WWOX: variants seen among roughly 807,000 people sequenced by gnomAD.
WWOX encodes the protein WW domain containing oxidoreductase.
In WWOX, 69 loss-of-function variants were observed where a neutral mutation model predicts 46.2. That is an observed-to-expected ratio of 1.49 (90% CI 1.23 to 1.82). The LOEUF (loss-of-function observed/expected upper bound fraction) is 1.82, where lower values mean the gene tolerates loss of function less well. Ranked by LOEUF, WWOX falls within the 40% of genes most tolerant of loss-of-function variation. The probability of loss-of-function intolerance (pLI) is 0.00; values close to 1 mark genes in which losing one functional copy is unlikely to be tolerated. For synonymous variants in WWOX, 359 were observed against 202.6 expected (o/e 1.77, Z -6.56); for missense variants, 919 against 542.6 (o/e 1.69, Z -6.89).
At chr16:78,439,797 G>C (rs1379297595) in intron 8 of WWOX, among the ~76,000 whole-genome samples, 1 of 152,206 alleles carries the variant, frequency 6.6e-6, no homozygotes. Context: ...TACTATATGA[G>C]TAGCTCCTTT....
intron 8 of WWOX, among the ~76,000 whole-genome samples, chr16:78,791,084 C>T (rs1016728797): frequency 2.0e-5 from 3 of 151,392 alleles, no homozygotes; most frequent in Non-Finnish European, 4.4e-5. Context: ...TCAGAAGCCT[C>T]CACACAGGGC....
chr16:78,647,873 C>G (rs1442659473), intron 8 of WWOX, among the ~76,000 whole-genome samples: 1 of 151,362 alleles, frequency 6.6e-6, no homozygotes, highest in Non-Finnish European at 1.5e-5. Flanking sequence ...TTTTTTCTCT[C>G]TCACTCTGAG....
At position 79,072,126 on chromosome 16, in the gene WWOX, A is replaced by G. The variant is rs56211560; in HGVS notation, c.1057-139482A>G. ...AGTGAGACTCCATCTCTACAAAAAA[A>G]GAAAAATAAATTAGTTAGGCATGGT... On this transcript the variant is annotated intron_variant, in intron 8 of 8. Coordinates refer to ENST00000566780, the MANE Select transcript of WWOX (RefSeq NM_016373.4). 3.9e-3 allele frequency among the ~76,000 whole-genome samples: 595 copies of G among 152,300 alleles called. 3 individuals carry two copies. The highest frequency in any genetic ancestry group is 6.8e-3 in the Middle Eastern group (2 of 294).
At chr16:78,745,466 C>G (rs1287566391) in intron 8 of WWOX, among the ~76,000 whole-genome samples, 2 of 149,476 alleles carry the variant, frequency 1.3e-5, no homozygotes, top group Non-Finnish European at 3.0e-5. Context: ...CAGAAGGACC[C>G]TATTTTAATG....
chr16:79,154,495 C>A (rs1012492893), intron 8 of WWOX, among the ~76,000 whole-genome samples: 1 of 143,350 alleles, frequency 7.0e-6, no homozygotes. Flanking sequence ...TTTTAAAATC[C>A]TCTTTTGCAA....
intron 8 of WWOX, among the ~76,000 whole-genome samples, chr16:78,756,546 A>C (rs907680344): frequency 1.3e-5 from 2 of 152,138 alleles, no homozygotes; most frequent in Non-Finnish European, 2.9e-5. Context: ...TGGAAGAAGG[A>C]ATTATTTTTA....
intron 5 of WWOX, among the ~76,000 whole-genome samples, chr16:78,335,279 T>A (rs575903451): frequency 6.6e-6 from 1 of 152,170 alleles, no homozygotes; most frequent in Non-Finnish European, 1.5e-5. Flanking sequence ...CTGATGCTCT[T>A]CCCACCACCT....
At chr16:78,887,833 C>G (rs1211198582) in intron 8 of WWOX, among the ~76,000 whole-genome samples, 2 of 152,178 alleles carry the variant, frequency 1.3e-5, no homozygotes, top group African/African-American at 4.8e-5. Context: ...GACTCTGTCT[C>G]TTTAAGTGTT....
chr16:78,938,919 G>A (rs1035015776), intron 8 of WWOX, among the ~76,000 whole-genome samples: 1 of 152,162 alleles, frequency 6.6e-6, no homozygotes, highest in Admixed American at 6.5e-5. Context: ...GCCCAGTCAG[G>A]GGGAATGCTG....
intron 8 of WWOX, among the ~76,000 whole-genome samples, chr16:78,674,647 C>G (rs956814230): frequency 6.6e-6 from 1 of 152,144 alleles, no homozygotes; most frequent in Non-Finnish European, 1.5e-5. Context: ...TTCTGGCCAC[C>G]TGCCTTTATC....
intron 8 of WWOX, among the ~76,000 whole-genome samples, chr16:78,723,615 T>TCTTTTC (rs2048750822): frequency 1.1e-5 from 1 of 87,414 alleles, no homozygotes; most frequent in African/African-American, 4.8e-5. Context: ...TTCTTTTCTT[T>TCTTTTC]TCTTTTCTTT....
rs569858160 is a variant in WWOX, at chr16:78,561,856, T to C, written c.1056+129104T>C. ...TTCAGTTACCAGCAGTGGAAGTGAA[T>C]TGAAAATAGTTGGTCTCTTGAGTGA... is the stretch of plus-strand genomic sequence containing the variant. On this transcript the variant is annotated intron_variant, in intron 8 of 8. Coordinates refer to ENST00000566780, the MANE Select transcript of WWOX (RefSeq NM_016373.4). Among the ~76,000 whole-genome samples the C allele has an allele frequency of 8.5e-5, 13 of 152,218 alleles. No homozygotes were observed. In the East Asian group the frequency reaches 1.4e-3, roughly 16 times the overall value.
At chr16:78,567,270 G>A (rs1330238158) in intron 8 of WWOX, among the ~76,000 whole-genome samples, 2 of 152,134 alleles carry the variant, frequency 1.3e-5, no homozygotes, top group Non-Finnish European at 2.9e-5. Flanking sequence ...TTTTGGTTGG[G>A]CGCGGTGGCT....
intron 8 of WWOX, among the ~76,000 whole-genome samples, chr16:78,922,285 C>G (rs1424181253): frequency 6.6e-6 from 1 of 152,092 alleles, no homozygotes; most frequent in Non-Finnish European, 1.5e-5. Context: ...AGGCCCCATC[C>G]TAAATCACAT....
At chr16:78,550,396 C>T (rs895075945) in intron 8 of WWOX, among the ~76,000 whole-genome samples, 2 of 152,164 alleles carry the variant, frequency 1.3e-5, no homozygotes, top group Non-Finnish European at 2.9e-5. Flanking sequence ...AATCTATAAG[C>T]CAATGGGCAT....
chr16:78,992,207 ATTC>A (rs1218497719), intron 8 of WWOX, among the ~76,000 whole-genome samples: 1 of 152,188 alleles, frequency 6.6e-6, no homozygotes, highest in African/African-American at 2.4e-5. Flanking sequence ...CGATGTCACT[ATTC>A]TTCTAGGCTT....
chr16:78,536,505 G>T (rs1365392698), intron 8 of WWOX, among the ~76,000 whole-genome samples: 1 of 152,230 alleles, frequency 6.6e-6, no homozygotes, highest in East Asian at 1.9e-4. Flanking sequence ...AGGTGAAGAG[G>T]GAAGTCCGCT....
intron 5 of WWOX, among the ~76,000 whole-genome samples, chr16:78,294,938 C>T (rs916230904): frequency 5.9e-5 from 9 of 152,138 alleles, no homozygotes; most frequent in African/African-American, 1.4e-4. Context: ...AGGAGATACG[C>T]GACTTTCTAC....
At chr16:78,844,263 A>G (rs78442197) in intron 8 of WWOX, among the ~76,000 whole-genome samples, 2,958 of 152,294 alleles carry the variant, frequency 0.019, 85 homozygotes, top group African/African-American at 0.063. Context: ...ACCCAGAACC[A>G]TAAAGTTCTG....
Sources: gnomAD v4.1 joint callset for allele counts (sites outside exome capture counted in the v4.1 genomes callset) on GRCh38, gnomAD v4.1.1 for gene constraint, MANE v1.5 for transcripts, NCBI Gene and HGNC (gene_info 2026-07-23, HGNC 2026-07-21) for gene names.